The following TEK variants were observed in gnomAD, a reference collection of about 807,000 sequenced individuals.
TEK encodes the protein angiopoietin-1 receptor.
In TEK, 43 loss-of-function variants were observed where a neutral mutation model predicts 131.8. That is an observed-to-expected ratio of 0.33 (90% CI 0.26 to 0.42). The LOEUF is 0.42. Among genes scored for constraint, TEK ranks in the 10% least tolerant of loss-of-function variants. The pLI, the probability that TEK is intolerant of heterozygous loss-of-function variation, is 1.00. For synonymous variants in TEK, 580 were observed against 491.6 expected, an observed-to-expected ratio of 1.18 and a Z score of -2.38; for missense variants, 1,162 against 1,384.4, an observed-to-expected ratio of 0.84 and a Z score of 2.55.
chr9:27,111,006 G>A (rs1005652488), intron 1 of TEK, among the ~76,000 whole-genome samples: 3 of 151,988 alleles, frequency 2.0e-5, no homozygotes, highest in Non-Finnish European at 4.4e-5. Context: ...TGAAGCCCAG[G>A]TGTCTATAGT....
At chr9:27,189,860 A>G (rs1286440633) in intron 9 of TEK, among the ~76,000 whole-genome samples, 2 of 151,890 alleles carry the variant, frequency 1.3e-5, no homozygotes, top group Non-Finnish European at 2.9e-5. Context: ...AAAGAGAGAG[A>G]TATATATATA....
At chr9:27,139,224 A>AC (rs1272359605) in intron 1 of TEK, among the ~76,000 whole-genome samples, 1 of 150,238 alleles carries the variant, frequency 6.7e-6, no homozygotes, top group African/African-American at 2.4e-5. Context: ...AAAAAAAAAA[A>AC]ACAGTAGGAT....
intron 1 of TEK, among the ~76,000 whole-genome samples, chr9:27,148,899 C>G (rs1424665957): frequency 6.6e-6 from 1 of 152,128 alleles, no homozygotes; most frequent in Non-Finnish European, 1.5e-5. Flanking sequence ...TTTATATAAT[C>G]TTTTGCTGTA....
chr9:27,228,127 T>C (rs1826411105), intron 21 of TEK, 79 bp from the exon 22 acceptor site: 1 of 1,261,686 alleles, frequency 7.9e-7, no homozygotes, highest in South Asian at 1.2e-5. Context: ...GGTGGCTTCA[T>C]TCTCTCCTCT....
At chr9:27,227,105 G>GTA (rs1826366234) in intron 21 of TEK, among the ~76,000 whole-genome samples, 1 of 151,946 alleles carries the variant, frequency 6.6e-6, no homozygotes, top group African/African-American at 2.4e-5. Flanking sequence ...ATGTTAAAGT[G>GTA]TAAGCTGTTC....
At chr9:27,202,101 G>C (rs1164117281) in intron 12 of TEK, among the ~76,000 whole-genome samples, 1 of 152,168 alleles carries the variant, frequency 6.6e-6, no homozygotes, top group Non-Finnish European at 1.5e-5. Flanking sequence ...TGAGAATGTA[G>C]TGATGCTGCG....
intron 1 of TEK, among the ~76,000 whole-genome samples, chr9:27,142,366 G>C (rs1822757922): frequency 6.6e-6 from 1 of 152,200 alleles, no homozygotes; most frequent in Admixed American, 6.5e-5. Context: ...TGTCCAGCAG[G>C]CACTTTCATA....
chr9:27,194,239 T>C (rs1302808659), intron 11 of TEK, among the ~76,000 whole-genome samples: 1 of 152,206 alleles, frequency 6.6e-6, no homozygotes, highest in Non-Finnish European at 1.5e-5. Flanking sequence ...TATGTTATGA[T>C]TGAGTGAAAA....
At chr9:27,138,709 A>G (rs1266982396) in intron 1 of TEK, among the ~76,000 whole-genome samples, 3 of 152,212 alleles carry the variant, frequency 2.0e-5, no homozygotes, top group Admixed American at 6.5e-5. Context: ...CTGTTTTTCA[A>G]TCACAGATGG....
chr9:27,135,317 A>G (rs1430856620), intron 1 of TEK, among the ~76,000 whole-genome samples: 2 of 151,420 alleles, frequency 1.3e-5, no homozygotes, highest in African/African-American at 4.9e-5. Flanking sequence ...TTCTCTCCAT[A>G]TAAGATAAAA....
chr9:27,138,457 G>A (rs535258585), intron 1 of TEK, among the ~76,000 whole-genome samples: 17 of 152,120 alleles, frequency 1.1e-4, no homozygotes, highest in African/African-American at 4.1e-4. Context: ...GCTAGACACA[G>A]AGCACTGATT....
intron 18 of TEK, among the ~76,000 whole-genome samples, chr9:27,214,470 TG>T (rs1825745149): frequency 6.6e-6 from 1 of 152,212 alleles, no homozygotes; most frequent in Admixed American, 6.5e-5. Flanking sequence ...ACAATCTTTT[TG>T]CTTTTGTGGG....
chr9:27,212,651 A>C, intron 16 of TEK, 56 bp from the exon 17 acceptor site: 1 of 1,590,334 alleles, frequency 6.3e-7, no homozygotes, highest in Non-Finnish European at 8.6e-7. Context: ...ACATCTCTTA[A>C]ATGTCATAGC....
chr9:27,166,844 A>C (rs1396016041), intron 2 of TEK, among the ~76,000 whole-genome samples: 1 of 152,210 alleles, frequency 6.6e-6, no homozygotes, highest in Non-Finnish European at 1.5e-5. Context: ...TACATTTGGC[A>C]TAATGTCTGC....
At chr9:27,220,287 C>CTTTTATTCA in intron 21 of TEK, 142 bp downstream of exon 21, 1 of 715,550 alleles carries the variant, frequency 1.4e-6, no homozygotes. Flanking sequence ...AACCCCTCCC[C>CTTTTATTCA]TTTTATTCAC....
rs1416941670 is a variant in TEK at position 27,132,550 on chromosome 9, AG to A, written c.52+22909del. The stretch of plus-strand genomic sequence containing the variant: ...TTTTTATTGGGACACCGGGGCATTC[AG>A]ATGGCCTATTGAAATGAGACAAGGA... On this transcript the variant is annotated intron_variant, in intron 1 of 22. Coordinates refer to ENST00000380036, the MANE Select transcript of TEK (RefSeq NM_000459.5). 1.3e-4 allele frequency among the ~76,000 whole-genome samples: 20 copies of A among 152,350 alleles called. No homozygotes were observed. The East Asian group carries it at 3.3e-3, about 25-fold the overall frequency.
At chr9:27,173,152 A>G in intron 5 of TEK, 70 bp from the exon 6 acceptor site, 2 of 1,588,642 alleles carry the variant, frequency 1.3e-6, no homozygotes, top group South Asian at 1.1e-5. Context: ...GGAGAAATGA[A>G]TCTAAAGAAT....
intron 21 of TEK, among the ~76,000 whole-genome samples, chr9:27,220,567 A>G (rs1402991787): frequency 1.3e-5 from 2 of 152,242 alleles, no homozygotes; most frequent in Admixed American, 1.3e-4. Context: ...AGATCAACGC[A>G]GAAGGCAAGT....
At chr9:27,209,285 T>TTCCTTATA in intron 16 of TEK, 54 bp downstream of exon 16, 4 of 1,237,936 alleles carry the variant, frequency 3.2e-6, no homozygotes, top group Non-Finnish European at 4.8e-6. Context: ...AACAGACAAA[T>TTCCTTATA]TCCATATGGA....
Sources: gnomAD v4.1 joint callset for allele counts (sites outside exome capture counted in the v4.1 genomes callset) on GRCh38, gnomAD v4.1.1 for gene constraint, MANE v1.5 for transcripts, NCBI Gene and HGNC (gene_info 2026-07-23, HGNC 2026-07-21) for gene names.